The following PRSS23 variants were observed in gnomAD, a reference collection of about 807,000 sequenced individuals.
PRSS23 encodes the protein protease, serine 23.
Under a neutral mutation model 34.7 loss-of-function variants are expected in PRSS23, and 25 were observed. That is an observed-to-expected ratio of 0.72 (90% CI 0.53 to 1.01). The LOEUF (loss-of-function observed/expected upper bound fraction) is 1.01, where lower values mean the gene tolerates loss of function less well. PRSS23 is among the 50% of genes least tolerant of loss of function. The pLI is 0.00. For missense variants in PRSS23, 445 were observed against 475.6 expected (o/e 0.94, Z 0.60); for synonymous variants, 176 against 186.6 (o/e 0.94, Z 0.46).
exon 3 of PRSS23, chr11:86,952,196 T>C (rs371269886): frequency 1.2e-6 from 2 of 1,613,408 alleles, no homozygotes; most frequent in East Asian, 2.2e-5. Flanking sequence ...CTGATCAGAA[T>C]TGGTTCCCAC....
At chr11:86,861,969 A>G (rs556528683) in intron 2 of PRSS23, among the ~76,000 whole-genome samples, 1 of 151,792 alleles carries the variant, frequency 6.6e-6, no homozygotes, top group East Asian at 2.0e-4. Flanking sequence ...CAGTTGTGAT[A>G]ATGTTTGCAA....
At chr11:86,796,573 G>A (rs564809854), upstream of PRSS23, among the ~76,000 whole-genome samples, 4 of 148,858 alleles carry the variant, frequency 2.7e-5, no homozygotes, top group South Asian at 2.1e-4. Context: ...CCCGGGAGGC[G>A]GAGCTTGCAG....
chr11:86,924,206 C>T (rs910671410), intron 2 of PRSS23, among the ~76,000 whole-genome samples: 4 of 152,058 alleles, frequency 2.6e-5, no homozygotes, highest in Non-Finnish European at 5.9e-5. Context: ...AATTTAGATG[C>T]AGGAATGTGT....
Position 86,802,016 on chromosome 11 carries a change from G to A in PRSS23, c.-14+1365G>A, listed in dbSNP as rs36010287. Among the ~76,000 whole-genome samples the A allele has an allele frequency of 1.8e-3, 274 of 152,234 alleles. 1 individual carries two copies. The highest frequency in any genetic ancestry group is 2.5e-3 in the Non-Finnish European group (170 of 68,020). ...CTTATTCAGCTGGATGGTTAACATG[G>A]ATGCATTTTCTGGTTGTAGCATAAG... On this transcript the variant is annotated intron_variant, in intron 1 of 1. Transcript: ENST00000280258.
intron 2 of PRSS23, among the ~76,000 whole-genome samples, chr11:86,915,943 T>C (rs897340585): frequency 4.6e-5 from 7 of 152,004 alleles, no homozygotes; most frequent in Non-Finnish European, 8.8e-5. Flanking sequence ...TAATCCCAGC[T>C]ACTCAGGAAG....
chr11:86,952,398 T>C (rs1339153348), exon 3 of PRSS23: 1 of 1,614,130 alleles, frequency 6.2e-7, no homozygotes, highest in Non-Finnish European at 8.5e-7. Flanking sequence ...GAAAGACACA[T>C]GCCGCCGCAT....
chr11:86,884,929 T>C (rs1003178996), intron 2 of PRSS23, among the ~76,000 whole-genome samples: 4 of 152,210 alleles, frequency 2.6e-5, no homozygotes, highest in Admixed American at 6.5e-5. Context: ...CTGGAAATTA[T>C]GCCATTTCCC....
intron 1 of PRSS23, among the ~76,000 whole-genome samples, chr11:86,817,625 A>G (rs1246111338): frequency 6.6e-6 from 1 of 152,210 alleles, no homozygotes; most frequent in African/African-American, 2.4e-5. Flanking sequence ...TTGACTTTTT[A>G]TAGCCAGTGA....
At chr11:86,879,650 AG>A (rs1384831821) in intron 2 of PRSS23, among the ~76,000 whole-genome samples, 133 of 132,850 alleles carry the variant, frequency 1.0e-3, no homozygotes, top group Non-Finnish European at 1.7e-3. Context: ...CTGCCCGGCC[AG>A]CCGCCCCGTC....
exon 2 of PRSS23, chr11:86,823,565 T>C: frequency 1.4e-6 from 1 of 702,578 alleles, no homozygotes; most frequent in South Asian, 1.5e-5. Context: ...GTGTTCTGCT[T>C]TCATGGAGTT....
intron 2 of PRSS23, among the ~76,000 whole-genome samples, chr11:86,928,154 C>T (rs1949094556): frequency 6.8e-6 from 1 of 147,272 alleles, no homozygotes; most frequent in Non-Finnish European, 1.5e-5. Flanking sequence ...ACATATTATA[C>T]ATAAATATAT....
At chr11:86,855,372 G>A (rs549352032) in intron 2 of PRSS23, among the ~76,000 whole-genome samples, 13 of 152,068 alleles carry the variant, frequency 8.5e-5, no homozygotes, top group South Asian at 2.1e-4. Context: ...TCAAACAGTC[G>A]AACTCATTTA....
chr11:86,841,893 A>T (rs1436946853), intron 2 of PRSS23, among the ~76,000 whole-genome samples: 3 of 152,250 alleles, frequency 2.0e-5, no homozygotes, highest in Non-Finnish European at 4.4e-5. Context: ...AACTATTCCA[A>T]TCAACAGAAA....
chr11:86,847,760 G>C (rs1948498583), intron 2 of PRSS23, among the ~76,000 whole-genome samples: 1 of 152,188 alleles, frequency 6.6e-6, no homozygotes, highest in Admixed American at 6.5e-5. Flanking sequence ...TTGGCCCCCT[G>C]AGGGATGTAT....
At chr11:86,922,021 C>G (rs1466137979) in intron 2 of PRSS23, 2 of 152,138 alleles carry the variant, frequency 1.3e-5, no homozygotes, top group Admixed American at 1.3e-4. Flanking sequence ...CTCCCAGTAG[C>G]TGAGAGGGAT....
intron 2 of PRSS23, among the ~76,000 whole-genome samples, chr11:86,846,632 C>T (rs979253973): frequency 5.9e-5 from 9 of 152,184 alleles, no homozygotes; most frequent in Admixed American, 2.0e-4. Flanking sequence ...ATGAGACAGC[C>T]ACATCTTCTG....
chr11:86,915,653 T>C (rs1348015641), intron 2 of PRSS23, among the ~76,000 whole-genome samples: 1 of 150,728 alleles, frequency 6.6e-6, no homozygotes, highest in Non-Finnish European at 1.5e-5. Context: ...GGTAATAATA[T>C]AGTAACTGAA....
At chr11:86,882,399 C>T (rs1230418434) in intron 2 of PRSS23, among the ~76,000 whole-genome samples, 1 of 152,144 alleles carries the variant, frequency 6.6e-6, no homozygotes, top group Non-Finnish European at 1.5e-5. Flanking sequence ...TGTTGTTCCC[C>T]TCTATGTGTC....
At chr11:86,823,280 A>G in intron 1 of PRSS23, 1 of 654,648 alleles carries the variant, frequency 1.5e-6, no homozygotes, top group East Asian at 2.7e-5. Flanking sequence ...CATTTTACAG[A>G]TGAAGAGACT....
Sources: gnomAD v4.1 joint callset for allele counts (sites outside exome capture counted in the v4.1 genomes callset) on GRCh38, gnomAD v4.1.1 for gene constraint, MANE v1.5 for transcripts, NCBI Gene and HGNC (gene_info 2026-07-23, HGNC 2026-07-21) for gene names.